The following RASGEF1B variants were observed in gnomAD, a reference collection of about 807,000 sequenced individuals.
RASGEF1B encodes the protein RasGEF domain family member 1B.
Under a neutral mutation model 65.7 loss-of-function variants are expected in RASGEF1B, and 30 were observed. That is an observed-to-expected ratio of 0.46 (90% CI 0.34 to 0.62). The LOEUF is 0.62. Among genes scored for constraint, RASGEF1B ranks in the 20% least tolerant of loss-of-function variants. The pLI is 0.01. For missense variants in RASGEF1B, 495 were observed against 580.1 expected, an observed-to-expected ratio of 0.85 and a Z score of 1.51; for synonymous variants, 175 against 194.8, an observed-to-expected ratio of 0.90 and a Z score of 0.85.
At chr4:81,466,773 A>AGAAAGAAAGAAAGAAAGAAC (rs1722836267) in intron 1 of RASGEF1B, among the ~76,000 whole-genome samples, 2 of 81,162 alleles carry the variant, frequency 2.5e-5, no homozygotes, top group Non-Finnish European at 4.8e-5. Context: ...AAAAAAAAAA[A>AGAAAGAAAGAAAGAAAGAAC]GAAAGAAAGA....
chr4:81,440,201 T>G (rs905726842), intron 10 of RASGEF1B, among the ~76,000 whole-genome samples: 1 of 152,138 alleles, frequency 6.6e-6, no homozygotes, highest in Non-Finnish European at 1.5e-5. Context: ...CTATCCTTCC[T>G]CTGTAAAGAA....
At chr4:81,435,168 T>G (rs375959659) in intron 10 of RASGEF1B, among the ~76,000 whole-genome samples, 1 of 151,928 alleles carries the variant, frequency 6.6e-6, no homozygotes, top group Admixed American at 6.5e-5. Flanking sequence ...TCCCAGCACT[T>G]TGGGAGGCCA....
intron 2 of RASGEF1B, chr4:81,459,111 T>C (rs1560709306): frequency 2.2e-5 from 10 of 460,898 alleles, no homozygotes; most frequent in Middle Eastern, 5.6e-4. Context: ...TACAATGTTG[T>C]AACTAACCTG....
At chr4:81,465,365 G>C (rs1722772631) in intron 1 of RASGEF1B, among the ~76,000 whole-genome samples, 1 of 152,204 alleles carries the variant, frequency 6.6e-6, no homozygotes. Flanking sequence ...TACAGGTTAT[G>C]CTGGAAAATC....
chr4:81,463,277 C>T (rs1164073705), intron 1 of RASGEF1B, among the ~76,000 whole-genome samples: 3 of 152,082 alleles, frequency 2.0e-5, no homozygotes, highest in African/African-American at 7.2e-5. Context: ...AGCATGGTCT[C>T]ATCAAGACAT....
At chr4:81,468,633 AAAAC>A (rs1722928138) in intron 1 of RASGEF1B, among the ~76,000 whole-genome samples, 1 of 152,242 alleles carries the variant, frequency 6.6e-6, no homozygotes, top group African/African-American at 2.4e-5. Flanking sequence ...TACCTAAAGA[AAAAC>A]AAAGCAAAAA....
chr4:81,458,494 A>G (rs62303600), intron 2 of RASGEF1B, among the ~76,000 whole-genome samples: 16,153 of 152,302 alleles, frequency 0.11, 1,138 homozygotes, highest in Non-Finnish European at 0.16. Flanking sequence ...TGCGGCAAGC[A>G]CCAACTATCC....
chr4:81,467,848 G>C (rs1425216894), intron 1 of RASGEF1B, among the ~76,000 whole-genome samples: 1 of 152,088 alleles, frequency 6.6e-6, no homozygotes, highest in Admixed American at 6.5e-5. Context: ...GAATAAAAAT[G>C]ATCTTCTGGA....
chr4:81,450,637 T>C (rs1433528085), intron 4 of RASGEF1B, among the ~76,000 whole-genome samples: 1 of 152,094 alleles, frequency 6.6e-6, no homozygotes, highest in Admixed American at 6.6e-5. Flanking sequence ...ACTCCTGACC[T>C]CAAGTGATCT....
chr4:81,458,593 G>A (rs2109991567), intron 2 of RASGEF1B, among the ~76,000 whole-genome samples: 1 of 152,238 alleles, frequency 6.6e-6, no homozygotes, highest in East Asian at 1.9e-4. Flanking sequence ...ATAACCAGCT[G>A]CTCGGCAAAT....
chr4:81,466,714 G>A (rs181849517), intron 1 of RASGEF1B, among the ~76,000 whole-genome samples: 28 of 141,986 alleles, frequency 2.0e-4, no homozygotes, highest in Admixed American at 1.3e-3. Context: ...AGCTGAGAAC[G>A]CGCCACTGCA....
chr4:81,452,989 T>C (rs1398937367), intron 4 of RASGEF1B: 4 of 145,980 alleles, frequency 2.7e-5, no homozygotes, highest in African/African-American at 1.0e-4. Context: ...CTGGATTCAC[T>C]GACTGCCAAA....
chr4:81,452,526 G>A (rs938103031), intron 4 of RASGEF1B: 14 of 152,184 alleles, frequency 9.2e-5, no homozygotes, highest in African/African-American at 3.1e-4. Context: ...AGAGTATGGG[G>A]GAAAGCTATT....
intron 8 of RASGEF1B, among the ~76,000 whole-genome samples, chr4:81,442,875 A>G (rs1399648502): frequency 6.6e-6 from 1 of 152,264 alleles, no homozygotes; most frequent in Non-Finnish European, 1.5e-5. Context: ...CACTGGTCAT[A>G]AAGAAACCAG....
chr4:81,465,731 G>C (rs1722781640), intron 1 of RASGEF1B, among the ~76,000 whole-genome samples: 1 of 152,216 alleles, frequency 6.6e-6, no homozygotes, highest in Admixed American at 6.5e-5. Context: ...GATGAAGCAG[G>C]TGCACCAGGA....
intron 1 of RASGEF1B, among the ~76,000 whole-genome samples, chr4:81,471,538 C>A (rs1723026463): frequency 6.6e-6 from 1 of 152,164 alleles, no homozygotes; most frequent in Non-Finnish European, 1.5e-5. Context: ...GGGCCCTCCC[C>A]CGGTCCCGGG....
intron 6 of RASGEF1B, 135 bp from the exon 7 acceptor site, chr4:81,445,973 G>C: frequency 1.5e-6 from 1 of 647,682 alleles, no homozygotes; most frequent in Non-Finnish European, 2.7e-6. Context: ...AAGAGAGAGA[G>C]AAAGACAACC....
intron 1 of RASGEF1B, among the ~76,000 whole-genome samples, chr4:81,464,703 T>C (rs1318057293): frequency 6.6e-6 from 1 of 152,140 alleles, no homozygotes; most frequent in Non-Finnish European, 1.5e-5. Context: ...AGAACCTAGA[T>C]ATTATTTCTC....
Position 81,442,323 on chromosome 4 carries a change from T to G in RASGEF1B, c.982A>C (p.Lys328Gln). 2 of 1,613,316 alleles carry G rather than the reference T, an allele frequency of 1.2e-6. No homozygotes were observed. The highest frequency in any genetic ancestry group is 1.7e-6 in the Non-Finnish European group (2 of 1,179,308). Residue 328 changes from lysine (K) to glutamine (Q), a missense_variant, in exon 9 of 14, where the codon AAG becomes CAG. Lys to Gln is a moderately conservative substitution (Grantham distance 53, BLOSUM62 1). Coordinates refer to ENST00000264400, the MANE Select transcript of RASGEF1B (RefSeq NM_152545.3). ...TCAAGAATGTCAAATTTTGCAGTCT[T>G]CACTTTGGCCCAAGTTTTTTTTAGT... Reference protein sequence around the residue: ...SRLKKTWAKVKTAKFDILEHQ... With the variant: ...SRLKKTWAKVQTAKFDILEHQ...
Sources: allele counts gnomAD v4.1 joint callset (sites outside exome capture counted in the v4.1 genomes callset), GRCh38; gene constraint gnomAD v4.1.1; transcripts MANE v1.5; gene names NCBI Gene and HGNC (gene_info 2026-07-23, HGNC 2026-07-21).